NSG1: variants seen among roughly 807,000 people sequenced by gnomAD.
NSG1 encodes the protein neuronal vesicle trafficking-associated protein 1.
Under a neutral mutation model 19.3 loss-of-function variants are expected in NSG1, and 9 were observed. That is an observed-to-expected ratio of 0.47 (90% CI 0.28 to 0.81). The LOEUF (loss-of-function observed/expected upper bound fraction) is 0.81. Ranked by LOEUF, NSG1 falls within the 40% of genes least tolerant of loss-of-function variation. NSG1 has a pLI of 0.11. For synonymous variants in NSG1, 104 were observed against 107.0 expected (o/e 0.97, Z 0.17); for missense variants, 236 against 242.4 (o/e 0.97, Z 0.18).
chr4:4,394,247 T>C (rs894278221), intron 3 of NSG1, among the ~76,000 whole-genome samples: 4 of 152,088 alleles, frequency 2.6e-5, no homozygotes, highest in African/African-American at 9.7e-5. Flanking sequence ...CAAATCCTTT[T>C]CCTTTGTTGA....
At chr4:4,412,925 T>C (rs1369830984) in intron 4 of NSG1, among the ~76,000 whole-genome samples, 2 of 152,176 alleles carry the variant, frequency 1.3e-5, no homozygotes, top group African/African-American at 2.4e-5. Context: ...TGTTTTTTGC[T>C]GATATGAGGA....
intron 4 of NSG1, among the ~76,000 whole-genome samples, chr4:4,413,586 C>T (rs931212048): frequency 2.0e-5 from 3 of 150,690 alleles, no homozygotes; most frequent in Admixed American, 6.6e-5. Flanking sequence ...GAGGGAGCAG[C>T]GGGCAGTGGG....
In NSG1 at chr4:4,417,290, G is replaced by A; in HGVS notation, c.413G>A (p.Ser138Asn). 1 of 1,614,166 alleles carries A rather than the reference G, an allele frequency of 6.2e-7. No individual in the cohort carries two copies. Among genetic ancestry groups the A allele is most frequent in the Non-Finnish European group, 8.5e-7 (1 of 1,180,046 alleles). The change falls in exon 5 of 5, where the codon AGT (serine) becomes AAT (asparagine). Residue 138 changes from serine to asparagine, a missense_variant. Coordinates refer to ENST00000621129, the MANE Select transcript of NSG1 (RefSeq NM_014392.5). Reference sequence around the variant, plus strand: ...AGCTACTACGCGGAGCAAGACTCCAGTGCCCGGGAGAAATTTTACACAGTC... The same window carrying A: ...AGCTACTACGCGGAGCAAGACTCCAATGCCCGGGAGAAATTTTACACAGTC... The part of the protein sequence containing the change: ...LESYYAEQDS[S>N]AREKFYTVIN...
intron 3 of NSG1, among the ~76,000 whole-genome samples, chr4:4,402,368 GTTATTTTTTTTTTTTTT>G (rs1723597448): frequency 2.0e-5 from 2 of 99,602 alleles, no homozygotes; most frequent in African/African-American, 8.3e-5. Flanking sequence ...ACCACGCCTG[GTTATTTTTTTTTTTTTT>G]TTTTTTTTTT....
chr4:4,389,968 C>T (rs924521088), intron 2 of NSG1, among the ~76,000 whole-genome samples: 1 of 152,106 alleles, frequency 6.6e-6, no homozygotes, highest in African/African-American at 2.4e-5. Context: ...AATGCAGGCA[C>T]GGAGAGTTTG....
At chr4:4,415,366 C>T (rs1242339520) in intron 4 of NSG1, among the ~76,000 whole-genome samples, 1 of 152,136 alleles carries the variant, frequency 6.6e-6, no homozygotes, top group Non-Finnish European at 1.5e-5. Context: ...GGAACCTCCC[C>T]AAGCTCCTCC....
At chr4:4,388,248 C>T (rs1722837823) in intron 2 of NSG1, among the ~76,000 whole-genome samples, 1 of 152,242 alleles carries the variant, frequency 6.6e-6, no homozygotes, top group Admixed American at 6.5e-5. Context: ...CCCTTTCTGC[C>T]TGCCCCTGCC....
chr4:4,403,223 C>T (rs537461484), intron 3 of NSG1, among the ~76,000 whole-genome samples: 3 of 152,330 alleles, frequency 2.0e-5, no homozygotes, highest in South Asian at 4.1e-4. Context: ...GTGAGTGTAA[C>T]AAATTACCAC....
chr4:4,404,797 T>C (rs1179285656), intron 3 of NSG1, among the ~76,000 whole-genome samples: 1 of 152,166 alleles, frequency 6.6e-6, no homozygotes, highest in Admixed American at 6.5e-5. Context: ...AAAGAGATGC[T>C]GGGCTCCTTG....
At chr4:4,411,133 G>C (rs1724156423) in intron 4 of NSG1, among the ~76,000 whole-genome samples, 1 of 152,138 alleles carries the variant, frequency 6.6e-6, no homozygotes, top group African/African-American at 2.4e-5. Flanking sequence ...TGAGATTACA[G>C]GCGTGAGCCA....
At chr4:4,389,540 G>A (rs1170978622) in intron 2 of NSG1, among the ~76,000 whole-genome samples, 1 of 152,126 alleles carries the variant, frequency 6.6e-6, no homozygotes, top group Non-Finnish European at 1.5e-5. Context: ...GAAGGTTACA[G>A]TCCTCCAGGA....
rs73084360 is a variant in NSG1 at position 4,396,906 on chromosome 4, T to C, written c.246+5315T>C. ...GTATTGGAGACCCTGAAGGTGTGTG[T>C]GGACGCCCCCTCACCTTTAGCTATG... is the stretch of plus-strand genomic sequence containing the variant. On this transcript the variant is annotated intron_variant, in intron 3 of 4. Transcript: ENST00000621129. 5.1e-4 allele frequency among the ~76,000 whole-genome samples: 77 copies of C among 152,266 alleles called. 1 individual carries two copies. Among genetic ancestry groups the C allele is most frequent in the African/African-American group, 1.7e-3 (69 of 41,540 alleles).
intron 3 of NSG1, among the ~76,000 whole-genome samples, chr4:4,402,762 G>A (rs572818262): frequency 2.2e-4 from 33 of 152,290 alleles, no homozygotes; most frequent in Non-Finnish European, 3.8e-4. Context: ...CCGGGTGTGG[G>A]CCCCGCACTT....
intron 4 of NSG1, among the ~76,000 whole-genome samples, chr4:4,413,341 G>A (rs906595224): frequency 8.6e-5 from 13 of 151,668 alleles, no homozygotes; most frequent in African/African-American, 2.4e-4. Context: ...GGGAGCTTGC[G>A]GGTCTTGGGG....
At chr4:4,397,109 G>T (rs1723295802) in intron 3 of NSG1, among the ~76,000 whole-genome samples, 1 of 150,934 alleles carries the variant, frequency 6.6e-6, no homozygotes, top group African/African-American at 2.4e-5. Context: ...TGCTGTAAAC[G>T]CTTGAAGATG....
intron 3 of NSG1, among the ~76,000 whole-genome samples, chr4:4,408,625 C>A (rs936887560): frequency 6.6e-6 from 1 of 152,212 alleles, no homozygotes; most frequent in African/African-American, 2.4e-5. Context: ...ACATGCCCGG[C>A]TAATTTTTAT....
intron 3 of NSG1, among the ~76,000 whole-genome samples, chr4:4,395,288 G>A (rs1723195690): frequency 6.6e-6 from 1 of 152,236 alleles, no homozygotes; most frequent in Non-Finnish European, 1.5e-5. Context: ...ACCGCAGGGA[G>A]ATGCGTTTTG....
intron 1 of NSG1, 43 bp from the exon 2 acceptor site, chr4:4,387,561 C>CCGGGGGGGGGGGTG: frequency 3.5e-6 from 4 of 1,141,988 alleles, no homozygotes; most frequent in East Asian, 5.4e-5. Context: ...CGCCCCGCCC[C>CCGGGGGGGGGGGTG]GGGTCTTGCT....
rs1277676615 is a variant in NSG1, at chr4:4,417,467, T to G, written c.*32T>G. ...GGGCAAGTTCCTTACAATGTGTCAC[T>G]TGCAAATAACAAAGGGACTTTGAGG... is the stretch of plus-strand genomic sequence containing the variant. On this transcript the variant is annotated 3_prime_UTR_variant, in exon 5 of 5. Coordinates refer to ENST00000621129, the MANE Select transcript of NSG1 (RefSeq NM_014392.5). 6.3e-7 allele frequency: 1 copy of G among 1,591,296 alleles called. No homozygotes were observed. Among genetic ancestry groups the G allele is most frequent in the African/African-American group, 1.3e-5 (1 of 74,440 alleles).
Sources: allele counts gnomAD v4.1 joint callset (sites outside exome capture counted in the v4.1 genomes callset), GRCh38; gene constraint gnomAD v4.1.1; transcripts MANE v1.5; gene names NCBI Gene and HGNC (gene_info 2026-07-23, HGNC 2026-07-21).